ADGRL2: variants seen among roughly 807,000 people sequenced by gnomAD.
ADGRL2 encodes the protein calcium-independent alpha-latrotoxin receptor 2.
In ADGRL2, 44 loss-of-function variants were observed where a neutral mutation model predicts 157.4. The ratio of observed to expected loss-of-function variants is 0.28; its 90% CI spans 0.22 to 0.36. ADGRL2 has a LOEUF of 0.36. Among genes scored for constraint, ADGRL2 ranks in the 10% least tolerant of loss-of-function variants. The probability of loss-of-function intolerance (pLI) is 1.00; values close to 1 mark genes in which losing one functional copy is unlikely to be tolerated. For synonymous variants in ADGRL2, 585 were observed against 624.7 expected (o/e 0.94, Z 0.95); for missense variants, 1,510 against 1,768.9 (o/e 0.85, Z 2.63).
At chr1:81,804,595 A>C (rs1019251311) in intron 1 of ADGRL2, among the ~76,000 whole-genome samples, 1 of 152,212 alleles carries the variant, frequency 6.6e-6, no homozygotes, top group Admixed American at 6.5e-5. Flanking sequence ...TGGGCCAAAA[A>C]CATTGTCTAT....
chr1:81,519,668 G>A (rs2079265617), intron 2 of ADGRL2, among the ~76,000 whole-genome samples: 1 of 152,024 alleles, frequency 6.6e-6, no homozygotes, highest in Non-Finnish European at 1.5e-5. Context: ...CTTTCAAATG[G>A]CATCTCTTTT....
At chr1:81,699,901 T>C (rs151064052) in intron 1 of ADGRL2, 2 of 152,354 alleles carry the variant, frequency 1.3e-5, no homozygotes, top group African/African-American at 4.8e-5. Context: ...TGTAGATTAC[T>C]AGGGCAATCT....
intron 1 of ADGRL2, among the ~76,000 whole-genome samples, chr1:81,388,712 A>T (rs891428779): frequency 1.3e-5 from 2 of 152,114 alleles, no homozygotes; most frequent in African/African-American, 4.8e-5. Context: ...ATCTGCGGGT[A>T]CCTTGATCTT....
intron 1 of ADGRL2, among the ~76,000 whole-genome samples, chr1:81,341,583 G>A (rs528519536): frequency 1.3e-5 from 2 of 152,084 alleles, no homozygotes; most frequent in South Asian, 4.2e-4. Flanking sequence ...CCTTATAAAA[G>A]CAAGCTCTTT....
At chr1:81,536,086 C>G (rs1374376349) in intron 2 of ADGRL2, among the ~76,000 whole-genome samples, 3 of 152,170 alleles carry the variant, frequency 2.0e-5, no homozygotes, top group Non-Finnish European at 4.4e-5. Flanking sequence ...AGGCATCCAC[C>G]TGAAAATTGC....
At chr1:81,748,467 C>CAAAAAAAAAAAAAAAAAAAAAAAAA (rs973818702) in intron 1 of ADGRL2, among the ~76,000 whole-genome samples, 3 of 42,406 alleles carry the variant, frequency 7.1e-5, no homozygotes, top group African/African-American at 8.9e-5. Context: ...GATTCCGTCT[C>CAAAAAAAAAAAAAAAAAAAAAAAAA]AAAAAAAAAA....
At chr1:81,639,125 A>T (rs543620956) in intron 3 of ADGRL2, among the ~76,000 whole-genome samples, 1 of 152,224 alleles carries the variant, frequency 6.6e-6, no homozygotes, top group Non-Finnish European at 1.5e-5. Flanking sequence ...GCTGGAGTGC[A>T]GTGGTGCCAT....
At chr1:81,424,886 G>A (rs751734911) in intron 1 of ADGRL2, among the ~76,000 whole-genome samples, 12 of 152,318 alleles carry the variant, frequency 7.9e-5, no homozygotes, top group South Asian at 2.1e-4. Context: ...TGGTTTCTTC[G>A]TGGGAGCAAT....
At chr1:81,945,237 A>G (rs1168894178) in intron 6 of ADGRL2, among the ~76,000 whole-genome samples, 1 of 152,086 alleles carries the variant, frequency 6.6e-6, no homozygotes, top group East Asian at 1.9e-4. Flanking sequence ...CTGCTACTAC[A>G]ATAGTGCTTC....
In ADGRL2 at chr1:81,943,578, G is replaced by A. The variant is rs1167044032; in HGVS notation, c.1019G>A (p.Gly340Asp). The A allele has an allele frequency of 6.2e-7, 1 of 1,613,680 alleles. No individual in the cohort carries two copies. The highest frequency in any genetic ancestry group is 1.1e-5 in the South Asian group (1 of 91,084). Residue 340 changes from glycine to aspartate, a missense_variant, in exon 6 of 24, where the codon GGC (glycine) becomes GAC (aspartate). Coordinates refer to ENST00000686636, the MANE Select transcript of ADGRL2 (RefSeq NM_001366006.2). The surrounding 1 kb of genome is among the most constrained non-coding windows in gnomAD (Gnocchi z 5.6). ...TATCAAGACAATGAAAGTGAAACAGGCAAGAACTCAATTGATTACATTTAT... is the reference window on the plus strand; with the variant it reads ...TATCAAGACAATGAAAGTGAAACAGACAAGAACTCAATTGATTACATTTAT... ...SVYQDNESET[G>D]KNSIDYIYNT...
upstream of ADGRL2, among the ~76,000 whole-genome samples, chr1:81,799,655 C>T (rs1571267406): frequency 6.6e-6 from 1 of 152,056 alleles, no homozygotes; most frequent in East Asian, 1.9e-4. Context: ...GGAATGATTC[C>T]TGAAGTATGA....
chr1:81,413,254 T>G (rs1209951566), intron 1 of ADGRL2, among the ~76,000 whole-genome samples: 1 of 152,124 alleles, frequency 6.6e-6, no homozygotes, highest in Admixed American at 6.6e-5. Flanking sequence ...AAGCCTACCG[T>G]CAAGTGTGAA....
chr1:81,920,520 C>T (rs369419524), intron 3 of ADGRL2, among the ~76,000 whole-genome samples: 21 of 152,216 alleles, frequency 1.4e-4, no homozygotes, highest in Middle Eastern at 3.4e-3. Flanking sequence ...CTCTTCTCCC[C>T]AGAGGCAGCC....
intron 3 of ADGRL2, among the ~76,000 whole-genome samples, chr1:81,920,473 C>T (rs569261289): frequency 1.3e-5 from 2 of 152,268 alleles, no homozygotes; most frequent in South Asian, 4.1e-4. Context: ...AGCTGAGTCA[C>T]TCCACAGGAA....
chr1:81,515,015 A>G (rs528917955), intron 2 of ADGRL2: 14 of 152,334 alleles, frequency 9.2e-5, no homozygotes, highest in Non-Finnish European at 1.8e-4. Flanking sequence ...TATTGTTTAT[A>G]ATTTAATGCA....
intron 3 of ADGRL2, among the ~76,000 whole-genome samples, chr1:81,694,425 A>G (rs888211533): frequency 3.3e-5 from 5 of 152,032 alleles, no homozygotes; most frequent in African/African-American, 1.2e-4. Flanking sequence ...TAAAATGTTT[A>G]GCACACTATC....
intron 2 of ADGRL2, among the ~76,000 whole-genome samples, chr1:81,849,505 A>G (rs577819081): frequency 1.3e-5 from 2 of 152,050 alleles, no homozygotes; most frequent in South Asian, 4.1e-4. Flanking sequence ...TAAGGCAACT[A>G]AAAGAATCAT....
intron 1 of ADGRL2, among the ~76,000 whole-genome samples, chr1:81,743,329 T>G (rs912553345): frequency 5.9e-5 from 9 of 151,298 alleles, no homozygotes; most frequent in South Asian, 2.1e-4. Flanking sequence ...AGCTGACAAA[T>G]TGGCATGTAT....
chr1:81,476,560 A>C (rs2101894818), intron 2 of ADGRL2, among the ~76,000 whole-genome samples: 1 of 152,286 alleles, frequency 6.6e-6, no homozygotes. Context: ...TTTCTACACA[A>C]ATTTATTGAA....
Sources: gnomAD v4.1 joint callset for allele counts (sites outside exome capture counted in the v4.1 genomes callset) on GRCh38, gnomAD v4.1.1 for gene constraint, Gnocchi (gnomAD v3.1) non-coding constraint, MANE v1.5 for transcripts, NCBI Gene and HGNC (gene_info 2026-07-23, HGNC 2026-07-21) for gene names.